CLK1: variants seen among roughly 807,000 people sequenced by gnomAD.
CLK1 encodes the protein CDC like kinase 1.
In CLK1, 40 loss-of-function variants were observed where a neutral mutation model predicts 60.9. The ratio of observed to expected loss-of-function variants is 0.66; its 90% confidence interval spans 0.51 to 0.86. The LOEUF (loss-of-function observed/expected upper bound fraction) is 0.86, where lower values mean the gene tolerates loss of function less well. Among genes scored for constraint, CLK1 ranks in the 40% least tolerant of loss-of-function variants. The pLI, the probability that CLK1 is intolerant of heterozygous loss-of-function variation, is 0.00. For missense variants in CLK1, 563 were observed against 606.1 expected (o/e 0.93, Z 0.75); for synonymous variants, 203 against 184.4 (o/e 1.10, Z -0.82).
intron 11 of CLK1, among the ~76,000 whole-genome samples, chr2:200,854,355 G>GA (rs1183383529): frequency 6.6e-6 from 1 of 152,020 alleles, no homozygotes; most frequent in African/African-American, 2.4e-5. Flanking sequence ...CTAACATGGT[G>GA]AAACCTTGTC....
chr2:200,862,973 T>C (rs951806738), intron 1 of CLK1, among the ~76,000 whole-genome samples: 1 of 152,240 alleles, frequency 6.6e-6, no homozygotes, highest in Non-Finnish European at 1.5e-5. Flanking sequence ...AAACGCAATG[T>C]TAACACAATC....
rs1361826626 is a variant in CLK1, at chr2:200,853,517, T to C, written c.1312-68A>G. 3 of 1,367,008 alleles carry C rather than the reference T, an allele frequency of 2.2e-6. No individual in the cohort carries two copies. In the African/African-American group the frequency reaches 4.4e-5, roughly 20 times the overall value. The allele number at this position is 1,367,008 out of a possible 1,614,324, so 84.7% of individuals were successfully genotyped here. ...CCATTGACTACACTATGTAACAGTA[T>C]AGTAAACCATATATATATAACCACC... On this transcript the variant is annotated intron_variant, in intron 12 of 12. Coordinates refer to ENST00000321356, the MANE Select transcript of CLK1 (RefSeq NM_004071.4).
intron 1 of CLK1, 75 bp from the exon 2 acceptor site, chr2:200,861,937 T>TC (rs1401322218): frequency 1.5e-6 from 2 of 1,336,580 alleles, no homozygotes; most frequent in Admixed American, 2.1e-5. Flanking sequence ...ATTACAAAGG[T>TC]CCCCTCGTGA....
At chr2:200,854,482 G>C (rs552912131) in intron 11 of CLK1, 134 bp downstream of exon 11, 3 of 584,924 alleles carry the variant, frequency 5.1e-6, no homozygotes, top group Non-Finnish European at 9.1e-6. Context: ...CTTGCATTGA[G>C]CCGAGGTCAC....
intron 1 of CLK1, chr2:200,864,234 C>T (rs2039191792): frequency 1.3e-6 from 2 of 1,543,164 alleles, no homozygotes; most frequent in Admixed American, 2.0e-5. Flanking sequence ...CATCTTACAG[C>T]TCCGCCGAGG....
intron 1 of CLK1, chr2:200,863,228 C>G (rs373812151): frequency 1.3e-5 from 2 of 152,180 alleles, no homozygotes; most frequent in East Asian, 3.9e-4. Context: ...TTCTGATAAC[C>G]CACTACCATT....
At position 200,858,206 on chromosome 2, in the gene CLK1, T is replaced by C. The variant is rs2039075406; in HGVS notation, c.549-117A>G. 3 of 763,432 alleles carry C rather than the reference T, an allele frequency of 3.9e-6. No individual in the cohort carries two copies. The South Asian group carries it at 4.5e-5, about 11-fold the overall frequency. 47.3% of individuals were successfully genotyped at this position (763,432 alleles called of 1,614,324 possible). On this transcript the variant is annotated intron_variant, in intron 5 of 12. Coordinates refer to ENST00000321356, the MANE Select transcript of CLK1 (RefSeq NM_004071.4). ...CACTGTATTTTTTTAATTTATGGTT[T>C]AGTGTTCAGTTCTGATTCTATTACA...
rs1467320240 is a variant in CLK1, at chr2:200,853,139, T to C, written c.*167A>G. ...CACTTTACAATTACTGAAAAAGATG[T>C]TCATTACCTTAGCTATGTACTTAAT... is the stretch of plus-strand genomic sequence containing the variant. On this transcript the variant is annotated 3_prime_UTR_variant, in exon 13 of 13. Transcript: ENST00000321356. The C allele has an allele frequency of 6.3e-6, 3 of 477,792 alleles. No homozygotes were observed. In the South Asian group the frequency reaches 1.3e-4, roughly 21 times the overall value. 29.6% of individuals were successfully genotyped at this position (477,792 alleles called of 1,614,324 possible).
Position 200,864,278 on chromosome 2 carries a change from G to C in CLK1, c.-1+286C>G, listed in dbSNP as rs1273339895. The C allele has an allele frequency of 1.3e-5, 20 of 1,490,086 alleles. No individual in the cohort carries two copies. In the Admixed American group the frequency reaches 4.8e-4, roughly 36 times the overall value. The allele number at this position is 1,490,086 out of a possible 1,614,324, so 92.3% of individuals were successfully genotyped here. A position where few individuals can be genotyped will look rare whatever the true frequency, so the allele number is the denominator to read the frequency against. On this transcript the variant is annotated intron_variant, in intron 1 of 12. Transcript: ENST00000321356. ...AACATGGCGCCCGCCCGACCGTCCC[G>C]CGTCAGGCGGCGCCGCTTCCTCAGC...
At chr2:200,863,251 G>GTA (rs1374225602) in intron 1 of CLK1, 1 of 152,132 alleles carries the variant, frequency 6.6e-6, no homozygotes, top group African/African-American at 2.4e-5. Context: ...ACCAGCCTGA[G>GTA]TATAATTTTT....
At chr2:200,864,304 G>C in intron 1 of CLK1, 2 of 1,468,298 alleles carry the variant, frequency 1.4e-6, no homozygotes, top group South Asian at 1.3e-5. Context: ...CTTCCTCAGC[G>C]GAGGGCAGAA....
chr2:200,860,993 CAATT>C (rs2039128045), intron 3 of CLK1: 14 of 1,289,846 alleles, frequency 1.1e-5, no homozygotes, highest in Non-Finnish European at 1.2e-5. Flanking sequence ...TAAATTAAAT[CAATT>C]AACTCCCATC....
Position 200,853,972 on chromosome 2 carries a change from G to T in CLK1, c.1242C>A (p.His414Gln), listed in dbSNP as rs376866439. The T allele has an allele frequency of 4.3e-6, 7 of 1,609,702 alleles. No individual in the cohort carries two copies. Among genetic ancestry groups the T allele is most frequent in the Admixed American group, 1.7e-5 (1 of 59,464 alleles). Residue 414 changes from histidine (H) to glutamine (Q), a missense_variant, in exon 12 of 13, where the codon CAC becomes CAA. Physicochemically the swap from His to Gln is conservative, Grantham distance 24. Transcript: ENST00000321356. Reference sequence around the variant, plus strand: ...TGTGTTCATCCCAGTCTAATCGATCGTGGTGAAAATATTTACGTTTCCTAA... The same window carrying T: ...TGTGTTCATCCCAGTCTAATCGATCTTGGTGAAAATATTTACGTTTCCTAA... ...QKTRKRKYFH[H>Q]DRLDWDEHSS...
chr2:200,857,642 A>G, intron 7 of CLK1, 76 bp downstream of exon 7: 3 of 1,222,566 alleles, frequency 2.5e-6, no homozygotes, highest in East Asian at 2.5e-5. Context: ...TAAAAATTGT[A>G]CACACTTAGG....
At chr2:200,854,864 A>G (rs1228195700) in intron 10 of CLK1, 140 bp downstream of exon 10, 6 of 783,682 alleles carry the variant, frequency 7.7e-6, no homozygotes, top group African/African-American at 3.5e-5. Context: ...AAATAAAACA[A>G]TTATGAAAGA....
chr2:200,864,382 G>A lies in CLK1; in HGVS notation c.-1+182C>T. 5.7e-6 allele frequency: 6 copies of A among 1,054,152 alleles called. No individual in the cohort carries two copies. The South Asian group carries it at 7.8e-5, about 14-fold the overall frequency. The allele number at this position is 1,054,152 out of a possible 1,614,324, so 65.3% of individuals were successfully genotyped here. ...CCGCAGGCCGGATCCGGCGGCGACA[G>A]GCTCGGCCGCGCAGGAAAGAGGGGC... is the stretch of plus-strand genomic sequence containing the variant. On this transcript the variant is annotated intron_variant, in intron 1 of 12. Transcript: ENST00000321356.
intron 3 of CLK1, 137 bp downstream of exon 3, chr2:200,861,095 GCACAAA>G: frequency 6.9e-7 from 1 of 1,454,082 alleles, no homozygotes. Context: ...CCTATCCAAT[GCACAAA>G]CACAGAAAAA....
At chr2:200,855,325 A>G (rs1312047682) in intron 9 of CLK1, among the ~76,000 whole-genome samples, 3 of 151,840 alleles carry the variant, frequency 2.0e-5, no homozygotes, top group Non-Finnish European at 4.4e-5. Context: ...AGATATATAT[A>G]TATCTGAATT....
At position 200,857,084 on chromosome 2, in the gene CLK1, T is replaced by C. The variant is rs11691017; in HGVS notation, c.833-99A>G. 4.4e-3 allele frequency: 3,818 copies of C among 868,858 alleles called. 18 individuals carry two copies. The highest frequency in any genetic ancestry group is 6.2e-3 in the Non-Finnish European group (3,342 of 540,902). The allele number at this position is 868,858 out of a possible 1,614,324, so 53.8% of individuals were successfully genotyped here. On this transcript the variant is annotated intron_variant, in intron 7 of 12. Coordinates refer to ENST00000321356, the MANE Select transcript of CLK1 (RefSeq NM_004071.4). ...CGGGTGCAGTGGCTCACGCCTGTAA[T>C]CACCTGAGGTCAGGAGTTCGAGACC...
Sources: gnomAD v4.1 joint callset for allele counts (sites outside exome capture counted in the v4.1 genomes callset) on GRCh38, gnomAD v4.1.1 for gene constraint, MANE v1.5 for transcripts, NCBI Gene and HGNC (gene_info 2026-07-23, HGNC 2026-07-21) for gene names.